The following HTRA3 variants were observed in gnomAD, a reference collection of about 807,000 sequenced individuals.
HTRA3 encodes serine protease HTRA3.
Under a neutral mutation model 43.2 loss-of-function variants are expected in HTRA3, and 41 were observed. That is an observed-to-expected ratio of 0.95 (90% CI 0.74 to 1.23). HTRA3 has a LOEUF of 1.23. Among genes scored for constraint, HTRA3 ranks in the 50% most tolerant of loss-of-function variants. The pLI, the probability that HTRA3 is intolerant of heterozygous loss-of-function variation, is 0.00. For synonymous variants in HTRA3, 295 were observed against 287.9 expected (o/e 1.02, Z -0.25); for missense variants, 628 against 647.1 (o/e 0.97, Z 0.32).
intron 7 of HTRA3, 116 bp downstream of exon 7, chr4:8,302,627 G>A (rs541299306): frequency 2.9e-5 from 27 of 917,422 alleles, no homozygotes; most frequent in East Asian, 2.0e-4. Flanking sequence ...CAGACGGGCC[G>A]ATGCACTCAG....
At chr4:8,302,413 G>A (rs771790734) in intron 6 of HTRA3, 50 bp from the exon 7 acceptor site, 1 of 1,578,980 alleles carries the variant, frequency 6.3e-7, no homozygotes, top group South Asian at 1.1e-5. Flanking sequence ...AGGGAGCGTG[G>A]TGGCTTTTCA....
intron 1 of HTRA3, among the ~76,000 whole-genome samples, chr4:8,274,232 A>G (rs915932955): frequency 3.9e-5 from 6 of 152,098 alleles, no homozygotes; most frequent in Admixed American, 6.5e-5. Flanking sequence ...CTTTGCACGC[A>G]ATGTGCCCAC....
In HTRA3 at chr4:8,286,264, G is replaced by A. The variant is rs4479688; in HGVS notation, c.486-297G>A. ...TGTCTGGCTCCGTGCTCCGTAGTCA[G>A]GATGGCGAGTGCAAGCTGGGAGTCA... On this transcript the variant is annotated intron_variant, in intron 2 of 8. Coordinates refer to ENST00000307358, the MANE Select transcript of HTRA3 (RefSeq NM_053044.5). This position sits in a 1 kb window ranked among gnomAD's most constrained non-coding sequence, Gnocchi z 4.9. 0.61 allele frequency among the ~76,000 whole-genome samples: 92,484 copies of A among 152,034 alleles called. 28,706 individuals are homozygous for A. Among genetic ancestry groups the A allele is most frequent in the East Asian group, 0.81 (4,198 of 5,152 alleles).
Position 8,270,064 on chromosome 4 carries a change from G to A in HTRA3, c.96G>A (p.Ser32=). The change falls in exon 1 of 9, where the codon TCG becomes TCA. Residue 32 remains serine (S), a synonymous_variant. Coordinates refer to ENST00000307358, the MANE Select transcript of HTRA3 (RefSeq NM_053044.5). ...AAPCPARCDV[S]RCPSPRCPGG... ...CGTGTCCCGCGCGCTGCGACGTGTC[G>A]CGGTGTCCCAGCCCCCGCTGCCCCG... The A allele has an allele frequency of 2.7e-6, 4 of 1,495,780 alleles. No individual in the cohort carries two copies. The highest frequency in any genetic ancestry group is 3.5e-6 in the Non-Finnish European group (4 of 1,132,148). 92.7% of individuals were successfully genotyped at this position (1,495,780 alleles called of 1,614,324 possible). A position where few individuals can be genotyped will look rare whatever the true frequency, so the allele number is the denominator to read the frequency against.
Position 8,296,309 on chromosome 4 carries a change from C to A in HTRA3, c.1051+2108C>A. 2 of 985,460 alleles carry A rather than the reference C, an allele frequency of 2.0e-6. No homozygotes were observed. Among genetic ancestry groups the A allele is most frequent in the South Asian group, 4.7e-5 (1 of 21,286 alleles). 61.0% of individuals were successfully genotyped at this position (985,460 alleles called of 1,614,324 possible). On this transcript the variant is annotated intron_variant, in intron 6 of 8. Coordinates refer to ENST00000307358, the MANE Select transcript of HTRA3 (RefSeq NM_053044.5). This position sits in a 1 kb window ranked among gnomAD's most constrained non-coding sequence, Gnocchi z 5.3. ...CATCCCAGAACCCCCTGGGAAATAT[C>A]CCCTGTCCTCAGAGCTGTGTCCCCT...
At chr4:8,298,781 T>A (rs1415496423) in intron 6 of HTRA3, among the ~76,000 whole-genome samples, 3 of 152,248 alleles carry the variant, frequency 2.0e-5, no homozygotes, top group African/African-American at 7.2e-5. Flanking sequence ...TCTACTGAAG[T>A]GCCTTCGCAC....
At chr4:8,278,581 CT>C (rs1311626044) in intron 1 of HTRA3, among the ~76,000 whole-genome samples, 5 of 152,176 alleles carry the variant, frequency 3.3e-5, no homozygotes, top group Admixed American at 6.5e-5. Flanking sequence ...TCCCTTCCCC[CT>C]GATTCATGGC....
In HTRA3 at chr4:8,296,101, C is replaced by T; in HGVS notation, c.1051+1900C>T. The stretch of plus-strand genomic sequence containing the variant: ...CTCCATGGGTGCCTTTGACTTTGGC[C>T]TCCTTACTGGAAATTAGCGGAGCTG... On this transcript the variant is annotated intron_variant, in intron 6 of 8. Coordinates refer to ENST00000307358, the MANE Select transcript of HTRA3 (RefSeq NM_053044.5). This position sits in a 1 kb window ranked among gnomAD's most constrained non-coding sequence, Gnocchi z 5.3. 9.8e-7 allele frequency: 1 copy of T among 1,021,302 alleles called. No individual in the cohort carries two copies. Among genetic ancestry groups the T allele is most frequent in the Non-Finnish European group, 1.2e-6 (1 of 854,088 alleles). 63.3% of individuals were successfully genotyped at this position (1,021,302 alleles called of 1,614,324 possible). A position where few individuals can be genotyped will look rare whatever the true frequency, so the allele number is the denominator to read the frequency against.
At chr4:8,292,948 G>T (rs1268269074) in intron 5 of HTRA3, among the ~76,000 whole-genome samples, 1 of 152,190 alleles carries the variant, frequency 6.6e-6, no homozygotes, top group Non-Finnish European at 1.5e-5. Flanking sequence ...GGCAGCTGAT[G>T]TGAGATCAGG....
At position 8,304,258 on chromosome 4, in the gene HTRA3, C is replaced by T. The variant is rs376260847; in HGVS notation, c.1175C>T (p.Ala392Val). The change falls in exon 8 of 9, where the codon GCG (alanine) becomes GTG (valine). Residue 392 changes from alanine to valine, a missense_variant. Coordinates refer to ENST00000307358, the MANE Select transcript of HTRA3 (RefSeq NM_053044.5). ...AGTGGAATTTATGTGCAAGAGGTTG[C>T]GCCGAATTCACCTTCTCAGAGGTAG... ...VSSGIYVQEV[A>V]PNSPSQRGGI... 3.6e-5 allele frequency: 58 copies of T among 1,614,066 alleles called. No individual in the cohort carries two copies. In the South Asian group the frequency reaches 5.3e-4, roughly 15 times the overall value.
chr4:8,283,481 G>A (rs1256133390), intron 2 of HTRA3, among the ~76,000 whole-genome samples: 2 of 152,228 alleles, frequency 1.3e-5, no homozygotes, highest in Non-Finnish European at 1.5e-5. Context: ...GCTGCCCAAT[G>A]TCTGATCGCT....
chr4:8,303,054 G>A (rs2153007336), intron 7 of HTRA3, among the ~76,000 whole-genome samples: 1 of 152,338 alleles, frequency 6.6e-6, no homozygotes, highest in Admixed American at 6.5e-5. Flanking sequence ...TCTAAACCAA[G>A]AAGGTCTCTT....
rs77397995 is a variant in HTRA3, at chr4:8,271,637, C to T, written c.385+1284C>T. 1.6e-3 allele frequency among the ~76,000 whole-genome samples: 237 copies of T among 152,300 alleles called. 4 individuals are homozygous for T. The East Asian group carries it at 0.037, about 23-fold the overall frequency. ...GCTCTGGAGGCTGGAAAGTTCAAGA[C>T]CAAGGTGCCAGCAGGCTTGGTTGTC... On this transcript the variant is annotated intron_variant, in intron 1 of 8. Coordinates refer to ENST00000307358, the MANE Select transcript of HTRA3 (RefSeq NM_053044.5).
chr4:8,277,225 AG>A (rs771117244), intron 1 of HTRA3, among the ~76,000 whole-genome samples: 2 of 152,178 alleles, frequency 1.3e-5, no homozygotes, highest in Non-Finnish European at 2.9e-5. Context: ...ACTAGGGGAC[AG>A]GCAAGTTTTC....
intron 1 of HTRA3, 115 bp downstream of exon 1, chr4:8,270,468 T>G: frequency 1.7e-6 from 2 of 1,147,348 alleles, no homozygotes; most frequent in South Asian, 2.0e-5. Flanking sequence ...GGGTGGCCCT[T>G]CAGAAATCAT....
rs144833358 is a variant in HTRA3, at chr4:8,279,828, G to A, written c.386-2609G>A. On this transcript the variant is annotated intron_variant, in intron 1 of 8. Transcript: ENST00000307358. The surrounding 1 kb of genome is among the most constrained non-coding windows in gnomAD (Gnocchi z 7.4). The stretch of plus-strand genomic sequence containing the variant: ...GCACCTCTGCACTCACCCACCCCAC[G>A]CCGGGCTCCTCTCTGCCTCATCCCT... Among the ~76,000 whole-genome samples the A allele has an allele frequency of 2.8e-3, 425 of 152,218 alleles. No individual in the cohort carries two copies. The highest frequency in any genetic ancestry group is 9.9e-3 in the African/African-American group (410 of 41,520).
intron 3 of HTRA3, among the ~76,000 whole-genome samples, chr4:8,290,942 T>A (rs769906327): frequency 6.6e-6 from 1 of 152,212 alleles, no homozygotes; most frequent in Non-Finnish European, 1.5e-5. Context: ...TGGGCTCCAG[T>A]TGTCTGCAGA....
At chr4:8,284,813 C>T (rs757478952) in intron 2 of HTRA3, among the ~76,000 whole-genome samples, 7 of 152,198 alleles carry the variant, frequency 4.6e-5, no homozygotes, top group African/African-American at 7.2e-5. Context: ...TTCAGCGTCT[C>T]GGGACTCAGT....
In HTRA3 at chr4:8,282,511, G is replaced by A. The variant is rs1241745652; in HGVS notation, c.460G>A (p.Val154Met). The A allele has an allele frequency of 1.1e-5, 17 of 1,613,860 alleles. No homozygotes were observed. Among genetic ancestry groups the A allele is most frequent in the African/African-American group, 4.0e-5 (3 of 74,938 alleles). The change falls in exon 2 of 9, where the codon GTG becomes ATG. Residue 154 changes from valine (V) to methionine (M), a missense_variant. By Grantham distance (21) the Val-to-Met change is conservative. Coordinates refer to ENST00000307358, the MANE Select transcript of HTRA3 (RefSeq NM_053044.5). ...ADVVEKIAPA[V>M]VHIELFLRHP... ...CGTGGTGGAGAAGATCGCACCAGCCGTGGTCCACATAGAGCTCTTCCTGAG... is the reference window on the plus strand; with the variant it reads ...CGTGGTGGAGAAGATCGCACCAGCCATGGTCCACATAGAGCTCTTCCTGAG...
Sources: allele counts gnomAD v4.1 joint callset (sites outside exome capture counted in the v4.1 genomes callset), GRCh38; gene constraint gnomAD v4.1.1; non-coding constraint Gnocchi (gnomAD v3.1); transcripts MANE v1.5; gene names NCBI Gene and HGNC (gene_info 2026-07-23, HGNC 2026-07-21).